CMIP: variants seen among roughly 807,000 people sequenced by gnomAD.
CMIP encodes c-Maf inducing protein.
A neutral mutation model predicts 97.3 loss-of-function variants in CMIP; 13 were observed. The ratio of observed to expected loss-of-function variants is 0.13; its 90% CI spans 0.09 to 0.21. The LOEUF is 0.21. Among genes scored for constraint, CMIP ranks in the 10% least tolerant of loss-of-function variants. The pLI, the probability that CMIP is intolerant of heterozygous loss-of-function variation, is 1.00. For missense variants in CMIP, 847 were observed against 1,024.9 expected (o/e 0.83, Z 2.37); for synonymous variants, 538 against 436.3 (o/e 1.23, Z -2.91).
intron 3 of CMIP, among the ~76,000 whole-genome samples, chr16:81,622,914 C>G (rs1038667313): frequency 4.6e-5 from 7 of 152,184 alleles, no homozygotes; most frequent in African/African-American, 1.7e-4. Flanking sequence ...ATTCAAATGT[C>G]AAGGATTGGC....
At chr16:81,688,557 C>G (rs1011353654) in intron 10 of CMIP, among the ~76,000 whole-genome samples, 1 of 152,222 alleles carries the variant, frequency 6.6e-6, no homozygotes, top group Admixed American at 6.5e-5. Context: ...AGTAAATGAA[C>G]TAAGGTATAG....
rs991772502 is a variant in CMIP at position 81,664,157 on chromosome 16, G to A, written c.745-112G>A. The stretch of plus-strand genomic sequence containing the variant: ...AAAGCAGTGCAGCCGTGTTCATCAA[G>A]GGAACCCAGGCACCCACAGCTGGGC... On this transcript the variant is annotated intron_variant, in intron 6 of 20. Coordinates refer to ENST00000537098, the MANE Select transcript of CMIP (RefSeq NM_198390.3). 9 of 955,146 alleles carry A rather than the reference G, an allele frequency of 9.4e-6. No individual in the cohort carries two copies. In the African/African-American group the frequency reaches 1.2e-4, roughly 12 times the overall value. The allele number at this position is 955,146 out of a possible 1,614,324, so 59.2% of individuals were successfully genotyped here. A position where few individuals can be genotyped will look rare whatever the true frequency, so the allele number is the denominator to read the frequency against.
At chr16:81,477,254 C>G (rs879462728) in intron 1 of CMIP, among the ~76,000 whole-genome samples, 1 of 152,028 alleles carries the variant, frequency 6.6e-6, no homozygotes, top group Non-Finnish European at 1.5e-5. Context: ...CTCCTGGGTT[C>G]AAGTAATTTC....
At chr16:81,506,988 C>T (rs943726168) in intron 1 of CMIP, among the ~76,000 whole-genome samples, 2 of 152,084 alleles carry the variant, frequency 1.3e-5, no homozygotes, top group Non-Finnish European at 2.9e-5. Context: ...CACAGTGGCT[C>T]ACGCCTGTAA....
Position 81,549,281 on chromosome 16 carries a change from C to G in CMIP, c.301-58286C>G, listed in dbSNP as rs778212057. Among the ~76,000 whole-genome samples, 172 of 152,320 alleles carry G rather than the reference C, an allele frequency of 1.1e-3. 1 individual carries two copies. Among genetic ancestry groups the G allele is most frequent in the Middle Eastern group, 3.4e-3 (1 of 294 alleles). Reference sequence around the variant, plus strand: ...TTGTATTTCTTAGGCAATGATTAACCTGGTTGAGCTGGTAAATCATTCGAT... The same window carrying G: ...TTGTATTTCTTAGGCAATGATTAACGTGGTTGAGCTGGTAAATCATTCGAT... On this transcript the variant is annotated intron_variant, in intron 1 of 20. Transcript: ENST00000537098.
chr16:81,694,220 C>A (rs942648794), intron 13 of CMIP, among the ~76,000 whole-genome samples: 1 of 152,196 alleles, frequency 6.6e-6, no homozygotes, highest in African/African-American at 2.4e-5. Context: ...CATCTCACTG[C>A]ACTGTGTGCT....
chr16:81,598,295 G>A (rs1308655109), intron 1 of CMIP, among the ~76,000 whole-genome samples: 2 of 152,094 alleles, frequency 1.3e-5, no homozygotes, highest in African/African-American at 2.4e-5. Context: ...CAACAGAGCT[G>A]ACCAACAGGG....
chr16:81,541,741 G>T (rs1032934680), intron 1 of CMIP, among the ~76,000 whole-genome samples: 2 of 152,186 alleles, frequency 1.3e-5, no homozygotes, highest in Non-Finnish European at 2.9e-5. Flanking sequence ...GGAAAAAGCT[G>T]TAATGATCAG....
Position 81,638,603 on chromosome 16 carries a change from C to T in CMIP, c.478-13600C>T, listed in dbSNP as rs1597178655. 2.6e-5 allele frequency among the ~76,000 whole-genome samples: 4 copies of T among 152,194 alleles called. No individual in the cohort carries two copies. The East Asian group carries it at 5.8e-4, about 22-fold the overall frequency. On this transcript the variant is annotated intron_variant, in intron 3 of 20. Transcript: ENST00000537098. ...TCCCTCCCCTTGTCCCTTTCCTCTC[C>T]CCCCTCTCCCTTCTCCTTGGAGAAG...
chr16:81,572,181 A>G (rs565297489), intron 1 of CMIP, among the ~76,000 whole-genome samples: 10 of 152,300 alleles, frequency 6.6e-5, no homozygotes, highest in Admixed American at 5.9e-4. Context: ...TGAAGCAGCC[A>G]TCTCTTTCTT....
chr16:81,589,889 C>G (rs1333631418), intron 1 of CMIP, among the ~76,000 whole-genome samples: 3 of 152,180 alleles, frequency 2.0e-5, no homozygotes, highest in Non-Finnish European at 4.4e-5. Flanking sequence ...CAAAGTGTAC[C>G]TCAATGGCGT....
At chr16:81,699,904 G>T (rs1012055738) in intron 15 of CMIP, 103 bp downstream of exon 15, 1 of 758,848 alleles carries the variant, frequency 1.3e-6, no homozygotes. Context: ...CAGGCACGGG[G>T]GGCAGTGGGT....
chr16:81,549,099 G>A lies in CMIP; in HGVS notation c.301-58468G>A, dbSNP rs975780019. On this transcript the variant is annotated intron_variant, in intron 1 of 20. Coordinates refer to ENST00000537098, the MANE Select transcript of CMIP (RefSeq NM_198390.3). ...GAAAGGGCGTGGCCCAAAGCCAGAT[G>A]TGTAGTAGGTAGTCAGGGAAAGGGG... is the stretch of plus-strand genomic sequence containing the variant. 2.0e-5 allele frequency among the ~76,000 whole-genome samples: 3 copies of A among 152,328 alleles called. No homozygotes were observed. In the East Asian group the frequency reaches 5.8e-4, roughly 29 times the overall value.
At chr16:81,696,317 TC>T in intron 13 of CMIP, 1 of 577,888 alleles carries the variant, frequency 1.7e-6, no homozygotes, top group South Asian at 2.0e-5. Flanking sequence ...GGGCCTGCCC[TC>T]CCTCCTGTGC....
intron 1 of CMIP, among the ~76,000 whole-genome samples, chr16:81,452,880 G>GTTTTTTTTT (rs1220926915): frequency 1.6e-5 from 1 of 63,732 alleles, no homozygotes; most frequent in African/African-American, 8.8e-5. Context: ...TTTTTTTTTT[G>GTTTTTTTTT]TTTTGTTTTT....
chr16:81,581,452 G>A (rs906825187), intron 1 of CMIP, among the ~76,000 whole-genome samples: 1 of 152,182 alleles, frequency 6.6e-6, no homozygotes, highest in Non-Finnish European at 1.5e-5. Flanking sequence ...ACTGGTGGCA[G>A]TTGTAACATA....
intron 1 of CMIP, among the ~76,000 whole-genome samples, chr16:81,476,862 C>T (rs1054691152): frequency 6.6e-6 from 1 of 152,070 alleles, no homozygotes; most frequent in Non-Finnish European, 1.5e-5. Context: ...TTTGTCCTTA[C>T]TTCCCGACGT....
In CMIP at chr16:81,495,610, G is replaced by A. The variant is rs1294550149; in HGVS notation, c.300+50069G>A. 8 of 1,118,914 alleles carry A rather than the reference G, an allele frequency of 7.1e-6. No homozygotes were observed. In the African/African-American group the frequency reaches 1.2e-4, roughly 17 times the overall value. The allele number at this position is 1,118,914 out of a possible 1,614,324, so 69.3% of individuals were successfully genotyped here. On this transcript the variant is annotated intron_variant, in intron 1 of 20. Transcript: ENST00000537098. ...CACAGACCCACTTCTCAGAGGGTGG[G>A]CAGGTGTGTCTGCTAATCTGAGAGA...
chr16:81,554,798 C>T (rs1433725024), intron 1 of CMIP, among the ~76,000 whole-genome samples: 1 of 152,146 alleles, frequency 6.6e-6, no homozygotes, highest in Non-Finnish European at 1.5e-5. Context: ...TCTGTGGGAC[C>T]CAACGAAAGC....
Sources: allele counts gnomAD v4.1 joint callset (sites outside exome capture counted in the v4.1 genomes callset), GRCh38; gene constraint gnomAD v4.1.1; transcripts MANE v1.5; gene names NCBI Gene and HGNC (gene_info 2026-07-23, HGNC 2026-07-21).